Variants in PSME4 observed in about 807,000 individuals in gnomAD.
PSME4 encodes proteasome activator complex subunit 4.
A neutral mutation model predicts 253.9 loss-of-function variants in PSME4; 89 were observed. The observed-to-expected ratio is 0.35, with a 90% confidence interval of 0.30 to 0.42. The LOEUF (loss-of-function observed/expected upper bound fraction) is 0.42. Ranked by LOEUF, PSME4 falls within the 10% of genes least tolerant of loss-of-function variation. The pLI is 1.00. For synonymous variants in PSME4, 851 were observed against 759.2 expected (o/e 1.12, Z -1.99); for missense variants, 2,014 against 2,195.2 (o/e 0.92, Z 1.65).
Position 53,869,538 on chromosome 2 carries a change from C to CCTGTAGATATAATAATTTCTA in PSME4, c.5101-21_5101-1dup (p.Glu1700_Val1701insTer). ...AAGGTAGTAGCAGCCATTTCTCGAA[C>CCTGTAGATATAATAATTTCTA]CTGTAGATATAATAATTTCTATTAG... On this transcript the variant is annotated stop_gained and inframe_insertion and splice_region_variant. Coordinates refer to ENST00000404125, the MANE Select transcript of PSME4 (RefSeq NM_014614.3). LOFTEE classifies it high-confidence loss of function. 6.7e-7 allele frequency: 1 copy of CCTGTAGATATAATAATTTCTA among 1,499,272 alleles called. No homozygotes were observed. Among genetic ancestry groups the CCTGTAGATATAATAATTTCTA allele is most frequent in the Non-Finnish European group, 9.0e-7 (1 of 1,105,180 alleles). The allele number at this position is 1,499,272 out of a possible 1,614,324, so 92.9% of individuals were successfully genotyped here.
intron 29 of PSME4, among the ~76,000 whole-genome samples, chr2:53,899,002 C>T (rs553619843): frequency 1.4e-3 from 207 of 151,750 alleles, no homozygotes; most frequent in Middle Eastern, 3.4e-3. Context: ...AATATTACTA[C>T]CTTAAAAAAA....
chr2:53,921,536 C>T (rs1377206969), intron 17 of PSME4, among the ~76,000 whole-genome samples: 9 of 148,752 alleles, frequency 6.1e-5, no homozygotes, highest in Non-Finnish European at 4.5e-5. Context: ...TGAGCCACCA[C>T]GCCTGGCCCT....
At chr2:53,925,453 T>C (rs1457039621) in intron 14 of PSME4, 86 bp downstream of exon 14, 2 of 1,205,538 alleles carry the variant, frequency 1.7e-6, no homozygotes, top group Admixed American at 2.5e-5. Context: ...AACTGCATGA[T>C]ATACACAAAG....
intron 44 of PSME4, among the ~76,000 whole-genome samples, chr2:53,867,111 C>A (rs1205459665): frequency 6.6e-6 from 1 of 152,152 alleles, no homozygotes; most frequent in Non-Finnish European, 1.5e-5. Flanking sequence ...GTAATCCCAG[C>A]ACTTTGGGAG....
chr2:53,946,823 A>G (rs1346453455), intron 3 of PSME4, among the ~76,000 whole-genome samples: 1 of 151,958 alleles, frequency 6.6e-6, no homozygotes, highest in African/African-American at 2.4e-5. Context: ...CTGAGGCGGG[A>G]AGACTGCTTG....
chr2:53,899,833 C>G, intron 29 of PSME4, 48 bp downstream of exon 29: 1 of 1,592,674 alleles, frequency 6.3e-7, no homozygotes, highest in Non-Finnish European at 8.5e-7. Flanking sequence ...AAAGCCAAAA[C>G]TTACTATCTA....
intron 41 of PSME4, 39 bp from the exon 42 acceptor site, chr2:53,875,794 A>G (rs1679088204): frequency 3.1e-6 from 5 of 1,588,022 alleles, no homozygotes; most frequent in Non-Finnish European, 4.3e-6. Context: ...TGGAAAAATA[A>G]TTGCCAATAA....
intron 3 of PSME4, among the ~76,000 whole-genome samples, chr2:53,942,420 G>C (rs888160360): frequency 7.9e-5 from 12 of 151,698 alleles, no homozygotes; most frequent in Admixed American, 3.9e-4. Flanking sequence ...CTTTGGATGG[G>C]TTTTCTTATA....
At chr2:53,875,948 T>C (rs1366174557) in intron 41 of PSME4, among the ~76,000 whole-genome samples, 193 bp from the exon 42 acceptor site, 1 of 152,156 alleles carries the variant, frequency 6.6e-6, no homozygotes, top group Non-Finnish European at 1.5e-5. Flanking sequence ...CATAATCTTT[T>C]GTTTCATTTT....
chr2:53,964,288 T>G (rs951266322), intron 1 of PSME4, among the ~76,000 whole-genome samples: 1 of 152,222 alleles, frequency 6.6e-6, no homozygotes, highest in African/African-American at 2.4e-5. Flanking sequence ...CTCTATACTT[T>G]CCATTCAATT....
In PSME4 at chr2:53,970,739, C is replaced by T. The variant is rs1004483424; in HGVS notation, c.46G>A (p.Gly16Ser). 4.5e-6 allele frequency: 7 copies of T among 1,547,088 alleles called. No homozygotes were observed. The highest frequency in any genetic ancestry group is 6.1e-6 in the Non-Finnish European group (7 of 1,145,848). The change falls in exon 1 of 47, where the codon GGC becomes AGC. Residue 16 changes from glycine (G) to serine (S), a missense_variant. By Grantham distance (56) the Gly-to-Ser change is moderately conservative. Around this residue, in one of 4 missense-constraint regions of PSME4, gnomAD observed 615 missense variants for 594.4 expected, o/e 1.03. Coordinates refer to ENST00000404125, the MANE Select transcript of PSME4 (RefSeq NM_014614.3). ...CGCGGGCCCGGCTCGGGACGCCCGC[C>T]CGGCTCCGGGGGCTCTCCGACTCCC... The part of the protein sequence containing the change: ...RAGVGEPPEP[G>S]GRPEPGPRGF...
intron 40 of PSME4, 71 bp from the exon 41 acceptor site, chr2:53,885,846 G>A (rs1293944095): frequency 1.8e-6 from 2 of 1,093,244 alleles, no homozygotes; most frequent in Non-Finnish European, 2.8e-6. Flanking sequence ...GAACAATATT[G>A]TAATGTTATT....
intron 1 of PSME4, among the ~76,000 whole-genome samples, chr2:53,967,500 G>A (rs953294001): frequency 6.6e-6 from 1 of 151,552 alleles, no homozygotes; most frequent in Non-Finnish European, 1.5e-5. Context: ...AAATTAGCCA[G>A]GCGTGGCAGC....
intron 1 of PSME4, among the ~76,000 whole-genome samples, chr2:53,958,463 A>G (rs1474452898): frequency 1.3e-5 from 2 of 152,222 alleles, no homozygotes; most frequent in Non-Finnish European, 2.9e-5. Flanking sequence ...TCTGATTATG[A>G]TACAGTGTAA....
chr2:53,884,038 T>C (rs1223344229), intron 41 of PSME4, among the ~76,000 whole-genome samples: 2 of 152,196 alleles, frequency 1.3e-5, no homozygotes, highest in Admixed American at 1.3e-4. Context: ...TAAACGCCTC[T>C]CTTTATCCTC....
At chr2:53,961,707 T>C (rs1279668101) in intron 1 of PSME4, among the ~76,000 whole-genome samples, 1 of 152,098 alleles carries the variant, frequency 6.6e-6, no homozygotes, top group African/African-American at 2.4e-5. Flanking sequence ...ATGTTTGAAA[T>C]GCTCATTCCC....
intron 3 of PSME4, among the ~76,000 whole-genome samples, chr2:53,944,796 G>A (rs1293269750): frequency 1.3e-5 from 2 of 152,168 alleles, no homozygotes; most frequent in East Asian, 3.9e-4. Flanking sequence ...GGATTTAACT[G>A]TATCTTAAAG....
At chr2:53,865,896 G>C in intron 46 of PSME4, 189 bp downstream of exon 46, 1 of 612,116 alleles carries the variant, frequency 1.6e-6, no homozygotes, top group African/African-American at 1.9e-5. Context: ...TAAACCTAAA[G>C]CAAGGAGGCA....
chr2:53,930,108 G>A (rs1203691072), intron 10 of PSME4, among the ~76,000 whole-genome samples: 2 of 151,912 alleles, frequency 1.3e-5, no homozygotes, highest in Non-Finnish European at 2.9e-5. Flanking sequence ...ACAACTGAAA[G>A]TCTCAAAAAA....
Sources: allele counts gnomAD v4.1 joint callset (sites outside exome capture counted in the v4.1 genomes callset), GRCh38; gene constraint gnomAD v4.1.1; regional missense constraint gnomAD v4.1.1; transcripts MANE v1.5; gene names NCBI Gene and HGNC (gene_info 2026-07-23, HGNC 2026-07-21).